Variants in RYK observed in about 807,000 individuals in gnomAD.
RYK encodes inactive tyrosine-protein kinase RYK.
In RYK, 21 loss-of-function variants were observed where a neutral mutation model predicts 70.2. That is an observed-to-expected ratio of 0.30 (90% CI 0.21 to 0.43). The LOEUF is 0.43. Among genes scored for constraint, RYK ranks in the 20% least tolerant of loss-of-function variants. RYK has a pLI of 1.00. For missense variants in RYK, 604 were observed against 753.3 expected (o/e 0.80, Z 2.32); for synonymous variants, 267 against 278.0 (o/e 0.96, Z 0.39).
intron 2 of RYK, among the ~76,000 whole-genome samples, chr3:134,218,202 T>C (rs758748165): frequency 1.3e-5 from 2 of 152,054 alleles, no homozygotes; most frequent in African/African-American, 2.4e-5. Flanking sequence ...CTTCCAGAAA[T>C]AGAAAAGTCA....
At chr3:134,177,105 C>A (rs558387128) in intron 11 of RYK, among the ~76,000 whole-genome samples, 4 of 152,034 alleles carry the variant, frequency 2.6e-5, no homozygotes, top group African/African-American at 4.8e-5. Flanking sequence ...ACCCAAAGTA[C>A]GAGCTCCTAG....
chr3:134,211,029 A>G (rs1397166184), intron 3 of RYK, among the ~76,000 whole-genome samples: 2 of 152,220 alleles, frequency 1.3e-5, no homozygotes, highest in African/African-American at 2.4e-5. Flanking sequence ...TGGAACTGCT[A>G]CAACTCTGGG....
At chr3:134,193,246 T>C (rs371852713) in intron 7 of RYK, among the ~76,000 whole-genome samples, 4 of 151,974 alleles carry the variant, frequency 2.6e-5, no homozygotes, top group African/African-American at 7.2e-5. Context: ...TGCAGTGGCG[T>C]GATCTCAGCT....
intron 8 of RYK, among the ~76,000 whole-genome samples, chr3:134,190,433 GTACATATTAC>G (rs764525217): frequency 1.2e-4 from 18 of 151,922 alleles, no homozygotes; most frequent in African/African-American, 2.2e-4. Context: ...AAATATATAT[GTACATATTAC>G]TTTACCACAA....
intron 10 of RYK, among the ~76,000 whole-genome samples, chr3:134,182,182 G>GAA (rs1452944874): frequency 6.6e-6 from 1 of 151,036 alleles, no homozygotes; most frequent in African/African-American, 2.4e-5. Flanking sequence ...TCTTCATATA[G>GAA]AACTATAAGT....
rs139195580 is a variant in RYK at position 134,239,108 on chromosome 3, C to T, written c.232+11315G>A. On this transcript the variant is annotated intron_variant, in intron 1 of 14. Transcript: ENST00000623711. ...GAGCTATGGAAGTCGACATGGGAGGCGCCTTACCCAGAGACAGCAAGGGAA... is the reference window on the plus strand; with the variant it reads ...GAGCTATGGAAGTCGACATGGGAGGTGCCTTACCCAGAGACAGCAAGGGAA... Among the ~76,000 whole-genome samples the T allele has an allele frequency of 1.7e-3, 264 of 152,110 alleles. 1 individual carries two copies. Among genetic ancestry groups the T allele is most frequent in the Non-Finnish European group, 2.6e-3 (177 of 67,976 alleles).
At chr3:134,250,101 G>GA (rs772812556) in intron 1 of RYK, among the ~76,000 whole-genome samples, 2 of 151,896 alleles carry the variant, frequency 1.3e-5, no homozygotes, top group East Asian at 1.9e-4. Flanking sequence ...GTGCAGCAAG[G>GA]AAAAAAAGTT....
chr3:134,244,958 G>A (rs1576540143), intron 1 of RYK, among the ~76,000 whole-genome samples: 1 of 152,188 alleles, frequency 6.6e-6, no homozygotes, highest in Admixed American at 6.5e-5. Flanking sequence ...GGAGAAAGCA[G>A]TATCCATAAA....
At chr3:134,248,237 C>G (rs560280930) in intron 1 of RYK, among the ~76,000 whole-genome samples, 2 of 152,208 alleles carry the variant, frequency 1.3e-5, no homozygotes, top group South Asian at 2.1e-4. Flanking sequence ...CTCTCGCCCC[C>G]GGGGATAGAC....
intron 13 of RYK, among the ~76,000 whole-genome samples, chr3:134,173,026 C>T (rs1350939473): frequency 6.6e-6 from 1 of 152,208 alleles, no homozygotes; most frequent in Admixed American, 6.5e-5. Context: ...TTACTTTGTT[C>T]ATCTCACAAA....
intron 1 of RYK, among the ~76,000 whole-genome samples, chr3:134,225,523 C>G (rs539540680): frequency 3.5e-4 from 53 of 151,962 alleles, no homozygotes; most frequent in African/African-American, 1.3e-3. Context: ...CACACAAATC[C>G]ACAATCACAA....
At chr3:134,202,305 T>A (rs1576518581) in intron 6 of RYK, among the ~76,000 whole-genome samples, 1 of 152,328 alleles carries the variant, frequency 6.6e-6, no homozygotes, top group East Asian at 1.9e-4. Context: ...CTCTAATGTG[T>A]AACCAGGTTG....
chr3:134,248,961 T>C (rs1036964474), intron 1 of RYK, among the ~76,000 whole-genome samples: 2 of 152,188 alleles, frequency 1.3e-5, no homozygotes, highest in Admixed American at 6.5e-5. Context: ...GAATTCAATG[T>C]CAGTCCCTGG....
At chr3:134,202,521 A>T (rs1215440706) in intron 6 of RYK, 1 of 490,438 alleles carries the variant, frequency 2.0e-6, no homozygotes, top group Non-Finnish European at 3.5e-6. Context: ...ACAACTAAAA[A>T]ACTAATTTCT....
At chr3:134,174,979 GCT>G (rs2013047772) in intron 13 of RYK, among the ~76,000 whole-genome samples, 2 of 152,282 alleles carry the variant, frequency 1.3e-5, no homozygotes, top group East Asian at 1.9e-4. Flanking sequence ...TACTGTAACT[GCT>G]CTGAGTCTCA....
At chr3:134,175,892 T>A in intron 12 of RYK, 38 bp downstream of exon 12, 1 of 1,557,376 alleles carries the variant, frequency 6.4e-7, no homozygotes, top group Non-Finnish European at 8.8e-7. Flanking sequence ...CAGGAAGCAC[T>A]CTACATCAAG....
At chr3:134,235,128 A>C (rs1385265561) in intron 1 of RYK, among the ~76,000 whole-genome samples, 1 of 152,144 alleles carries the variant, frequency 6.6e-6, no homozygotes, top group East Asian at 1.9e-4. Context: ...AATGGTAAGA[A>C]GGCAGGGAGT....
intron 1 of RYK, among the ~76,000 whole-genome samples, chr3:134,239,471 G>GA (rs887946233): frequency 2.6e-5 from 4 of 151,040 alleles, no homozygotes; most frequent in Non-Finnish European, 4.4e-5. Context: ...CAAAAAGGGG[G>GA]AAAAAAAAGA....
rs564758389 is a variant in RYK, at chr3:134,250,498, G to C, written c.157C>G (p.Pro53Ala). 1 of 1,280,682 alleles carries C rather than the reference G, an allele frequency of 7.8e-7. No homozygotes were observed. Among genetic ancestry groups the C allele is most frequent in the Admixed American group, 3.6e-5 (1 of 27,626 alleles). The allele number at this position is 1,280,682 out of a possible 1,614,324, so 79.3% of individuals were successfully genotyped here. A position where few individuals can be genotyped will look rare whatever the true frequency, so the allele number is the denominator to read the frequency against. Residue 53 changes from proline (P) to alanine (A), a missense_variant, in exon 1 of 15, where the codon CCG (proline) becomes GCG (alanine). Pro to Ala is a conservative substitution (Grantham distance 27). Transcript: ENST00000623711. The part of the protein sequence containing the change: ...GAAAAPAPRP[P>A]ELQSASAGPS... ...CCCGCGGAAGCCGACTGCAGCTCCG[G>C]GGGCCGCGGGGCGGGGGCGGCGGCA...
Sources: allele counts gnomAD v4.1 joint callset (sites outside exome capture counted in the v4.1 genomes callset), GRCh38; gene constraint gnomAD v4.1.1; transcripts MANE v1.5; gene names NCBI Gene and HGNC (gene_info 2026-07-23, HGNC 2026-07-21).